The following SLC17A3 variants were observed in gnomAD, a reference collection of about 807,000 sequenced individuals.
The protein encoded by SLC17A3 is sodium-dependent phosphate transport protein 4.
SLC17A3 carries 61 observed loss-of-function variants against 60.3 expected under a neutral mutation model. The observed-to-expected ratio is 1.01, with a 90% confidence interval of 0.82 to 1.25. The LOEUF is 1.25. Ranked by LOEUF, SLC17A3 falls within the 50% of genes most tolerant of loss-of-function variation. SLC17A3 has a pLI of 0.00. For synonymous variants in SLC17A3, 192 were observed against 208.9 expected, an observed-to-expected ratio of 0.92 and a Z score of 0.70; for missense variants, 624 against 594.9, an observed-to-expected ratio of 1.05 and a Z score of -0.51.
chr6:25,850,671 A>G (rs757371303), intron 7 of SLC17A3, 51 bp from the exon 8 acceptor site: 2 of 1,611,442 alleles, frequency 1.2e-6, no homozygotes, highest in South Asian at 1.1e-5. Context: ...ATGCTCACAC[A>G]CTTAGTCACC....
intron 11 of SLC17A3, among the ~76,000 whole-genome samples, chr6:25,847,535 T>G (rs958892253): frequency 1.3e-5 from 2 of 152,168 alleles, no homozygotes; most frequent in African/African-American, 4.8e-5. Flanking sequence ...ACCAACAGTG[T>G]ATAAGCGTTC....
chr6:25,857,923 C>A (rs1331459959), intron 5 of SLC17A3, among the ~76,000 whole-genome samples: 1 of 152,186 alleles, frequency 6.6e-6, no homozygotes, highest in Non-Finnish European at 1.5e-5. Flanking sequence ...GGTTTGGACT[C>A]CTAAGAGTAT....
Position 25,845,500 on chromosome 6 carries a change from C to T in SLC17A3, c.1379G>A (p.Trp460Ter). 1 of 1,614,032 alleles carries T rather than the reference C, an allele frequency of 6.2e-7. No homozygotes were observed. The highest frequency in any genetic ancestry group is 8.5e-7 in the Non-Finnish European group (1 of 1,179,952). The change falls in exon 12 of 13, where the codon TGG becomes TAG. Residue 460 changes from tryptophan (W) to a stop codon, truncating the protein, a stop_gained. Coordinates refer to ENST00000397060, the MANE Select transcript of SLC17A3 (RefSeq NM_001098486.2). LOFTEE classifies it high-confidence loss of function. ...AAACAGCAAGAAGAAGACATTCCTCCACCCAAACTCAGGGTCCTGGAGACA... is the reference window on the plus strand; with the variant it reads ...AAACAGCAAGAAGAAGACATTCCTCTACCCAAACTCAGGGTCCTGGAGACA... ...FLLSQDPEFG[W>*]RNVFFLLFAV...
chr6:25,862,945 A>C (rs1372146918), intron 2 of SLC17A3, among the ~76,000 whole-genome samples: 2 of 151,680 alleles, frequency 1.3e-5, no homozygotes, highest in Non-Finnish European at 2.9e-5. Flanking sequence ...TGCACTATAT[A>C]TTATGTATAA....
chr6:25,863,674 C>T (rs147092523), intron 2 of SLC17A3, among the ~76,000 whole-genome samples: 6 of 152,228 alleles, frequency 3.9e-5, no homozygotes, highest in African/African-American at 1.4e-4. Flanking sequence ...TGCCTGGAAG[C>T]TGTCTACTCT....
At chr6:25,863,640 T>C (rs1489736101) in intron 2 of SLC17A3, among the ~76,000 whole-genome samples, 1 of 152,114 alleles carries the variant, frequency 6.6e-6, no homozygotes, top group East Asian at 1.9e-4. Context: ...ATTGAGCATG[T>C]GTAGCTCTGT....
chr6:25,862,556 T>A, intron 2 of SLC17A3, 112 bp from the exon 3 acceptor site: 1 of 871,594 alleles, frequency 1.1e-6, no homozygotes, highest in Non-Finnish European at 1.9e-6. Flanking sequence ...AATCATTACT[T>A]AAATGACACT....
intron 2 of SLC17A3, among the ~76,000 whole-genome samples, chr6:25,865,945 AG>A (rs1765526998): frequency 1.3e-5 from 2 of 151,998 alleles, no homozygotes; most frequent in Admixed American, 1.3e-4. Flanking sequence ...TGAATGTGAG[AG>A]GTTATATTAA....
In SLC17A3 at chr6:25,861,671, C is replaced by A. The variant is rs546093722; in HGVS notation, c.578G>T (p.Trp193Leu). 9.3e-6 allele frequency: 15 copies of A among 1,613,858 alleles called. No individual in the cohort carries two copies. Among genetic ancestry groups the A allele is most frequent in the Non-Finnish European group, 1.2e-5 (14 of 1,179,920 alleles). Reference protein sequence around the residue: ...LGGQFAIWEKWGPPQERSRLC... With the variant: ...LGGQFAIWEKLGPPQERSRLC... ...TCTGCTTCGTTCTTGTGGAGGGCCC[C>A]ACTTTTCCCAAATTGCAAACTGACC... Residue 193 changes from tryptophan to leucine, a missense_variant, in exon 5 of 13, where the codon TGG becomes TTG. Physicochemically the swap from Trp to Leu is moderately conservative, Grantham distance 61. Transcript: ENST00000397060.
intron 11 of SLC17A3, among the ~76,000 whole-genome samples, chr6:25,846,144 TG>T (rs145557701): frequency 0.053 from 8,082 of 152,258 alleles, 253 homozygotes; most frequent in Non-Finnish European, 0.073. Flanking sequence ...CTAGAAATTT[TG>T]TTTTTTTAAA....
chr6:25,860,507 C>T (rs947416464), intron 5 of SLC17A3, among the ~76,000 whole-genome samples: 8 of 152,056 alleles, frequency 5.3e-5, no homozygotes, highest in Non-Finnish European at 7.4e-5. Context: ...CTCCACCTGC[C>T]GATGGGATTC....
At chr6:25,860,254 A>G (rs907699208) in intron 5 of SLC17A3, among the ~76,000 whole-genome samples, 2 of 152,104 alleles carry the variant, frequency 1.3e-5, no homozygotes, top group African/African-American at 4.8e-5. Context: ...AAGTGGCTGC[A>G]AAGTTTCCTA....
At chr6:25,873,374 T>C (rs1189038709) in intron 1 of SLC17A3, among the ~76,000 whole-genome samples, 1 of 152,128 alleles carries the variant, frequency 6.6e-6, no homozygotes, top group African/African-American at 2.4e-5. Context: ...GCAGTGTTCA[T>C]AGAGAACCAC....
chr6:25,863,500 C>CT (rs1408111028), intron 2 of SLC17A3, among the ~76,000 whole-genome samples: 1 of 152,066 alleles, frequency 6.6e-6, no homozygotes, highest in Non-Finnish European at 1.5e-5. Flanking sequence ...AACCCTTTCA[C>CT]TTTTTTCTGT....
chr6:25,868,335 T>C lies in SLC17A3; in HGVS notation c.53A>G (p.Gln18Arg). The C allele has an allele frequency of 6.2e-7, 1 of 1,612,238 alleles. No individual in the cohort carries two copies. The highest frequency in any genetic ancestry group is 8.5e-7 in the Non-Finnish European group (1 of 1,178,802). ...SPTARESKNA[Q>R]DMQVDETLIP... ...CAGTGTCTCATCCACTTGCATATCT[T>C]GTGCGTTCTTGCTCTCCCTTGCTGT... Residue 18 changes from glutamine (Q) to arginine (R), a missense_variant, in exon 2 of 13, where the codon CAA becomes CGA. By Grantham distance (43) the Gln-to-Arg change is conservative. Coordinates refer to ENST00000397060, the MANE Select transcript of SLC17A3 (RefSeq NM_001098486.2).
At chr6:25,864,500 C>A (rs551365997) in intron 2 of SLC17A3, among the ~76,000 whole-genome samples, 1 of 151,756 alleles carries the variant, frequency 6.6e-6, no homozygotes, top group African/African-American at 2.4e-5. Flanking sequence ...TAAATCCCAG[C>A]GTGGAAAAAA....
At chr6:25,846,377 A>T (rs1464724164) in intron 11 of SLC17A3, among the ~76,000 whole-genome samples, 3 of 152,234 alleles carry the variant, frequency 2.0e-5, no homozygotes, top group Non-Finnish European at 4.4e-5. Context: ...ACACAATGAG[A>T]CACTACACAG....
intron 2 of SLC17A3, among the ~76,000 whole-genome samples, chr6:25,865,062 T>C (rs142621401): frequency 2.4e-4 from 37 of 152,078 alleles, no homozygotes; most frequent in African/African-American, 8.9e-4. Context: ...TAACATGATG[T>C]CAAATCCTCA....
intron 6 of SLC17A3, among the ~76,000 whole-genome samples, chr6:25,852,613 C>A (rs912116403): frequency 2.6e-5 from 4 of 152,008 alleles, no homozygotes; most frequent in African/African-American, 9.7e-5. Context: ...TAACTCCATT[C>A]AGTGCATTTT....
Sources: allele counts gnomAD v4.1 joint callset (sites outside exome capture counted in the v4.1 genomes callset), GRCh38; gene constraint gnomAD v4.1.1; transcripts MANE v1.5; gene names NCBI Gene and HGNC (gene_info 2026-07-23, HGNC 2026-07-21).